CREB5: variants seen among roughly 807,000 people sequenced by gnomAD.
CREB5 encodes cAMP responsive element binding protein 5.
CREB5 carries 19 observed loss-of-function variants against 57.1 expected under a neutral mutation model. The ratio of observed to expected loss-of-function variants is 0.33; its 90% CI spans 0.23 to 0.49. The LOEUF (loss-of-function observed/expected upper bound fraction) is 0.49. CREB5 is among the 20% of genes least tolerant of loss of function. The pLI is 0.99. For missense variants in CREB5, 579 were observed against 671.6 expected (o/e 0.86, Z 1.52); for synonymous variants, 238 against 238.3 (o/e 1.00, Z 0.01).
intron 7 of CREB5, among the ~76,000 whole-genome samples, chr7:28,800,721 T>C (rs1172961255): frequency 6.6e-6 from 1 of 152,204 alleles, no homozygotes; most frequent in Non-Finnish European, 1.5e-5. Context: ...AAAGAGTGCA[T>C]CCAGGTCCCT....
At chr7:28,356,782 A>T (rs1172364019) in intron 1 of CREB5, among the ~76,000 whole-genome samples, 1 of 152,218 alleles carries the variant, frequency 6.6e-6, no homozygotes, top group Non-Finnish European at 1.5e-5. Context: ...GACAAAGGGC[A>T]CACACACACT....
chr7:28,314,126 G>A (rs1449304461), intron 1 of CREB5, among the ~76,000 whole-genome samples: 1 of 152,174 alleles, frequency 6.6e-6, no homozygotes, highest in Non-Finnish European at 1.5e-5. Context: ...GAAAAAGCAG[G>A]TATTCACTGC....
At chr7:28,319,725 T>G (rs1293035696) in intron 1 of CREB5, among the ~76,000 whole-genome samples, 3 of 152,094 alleles carry the variant, frequency 2.0e-5, no homozygotes, top group African/African-American at 7.2e-5. Flanking sequence ...CCCCGAAGTC[T>G]GTGTCTTTAT....
At chr7:28,583,392 G>A (rs1479734575) in intron 5 of CREB5, among the ~76,000 whole-genome samples, 2 of 152,198 alleles carry the variant, frequency 1.3e-5, no homozygotes, top group Admixed American at 1.3e-4. Flanking sequence ...ATAGGTGATT[G>A]AGGGGAGAAT....
chr7:28,417,609 A>G (rs42721), intron 1 of CREB5, among the ~76,000 whole-genome samples: 142,865 of 152,244 alleles, frequency 0.94, 67,104 homozygotes, highest in East Asian at 0.99. Flanking sequence ...TGAAGGCCTG[A>G]GCCTCTGTAT....
intron 1 of CREB5, among the ~76,000 whole-genome samples, chr7:28,317,550 G>T (rs1410668782): frequency 6.6e-6 from 1 of 152,192 alleles, no homozygotes. Flanking sequence ...AAAAGCAATG[G>T]ATTTGCATTT....
chr7:28,583,438 G>A (rs560404167), intron 5 of CREB5, among the ~76,000 whole-genome samples: 2 of 152,130 alleles, frequency 1.3e-5, no homozygotes, highest in Non-Finnish European at 2.9e-5. Flanking sequence ...TGGATGCGAG[G>A]GAAGAAAATC....
chr7:28,546,033 A>G (rs1794407435), intron 4 of CREB5, among the ~76,000 whole-genome samples: 1 of 152,172 alleles, frequency 6.6e-6, no homozygotes, highest in African/African-American at 2.4e-5. Flanking sequence ...TAGTGCCCAT[A>G]GGCATCACTC....
At chr7:28,792,698 C>G (rs2128792387) in intron 7 of CREB5, among the ~76,000 whole-genome samples, 1 of 152,308 alleles carries the variant, frequency 6.6e-6, no homozygotes, top group East Asian at 1.9e-4. Flanking sequence ...TCCTTGAGCA[C>G]AGCTTTCTTC....
At chr7:28,301,016 C>T (rs1414038394) in intron 1 of CREB5, among the ~76,000 whole-genome samples, 1 of 152,186 alleles carries the variant, frequency 6.6e-6, no homozygotes, top group Non-Finnish European at 1.5e-5. Flanking sequence ...TTAAGAACCA[C>T]TGCTCTAGAG....
At chr7:28,730,375 A>G (rs1803551813) in intron 7 of CREB5, among the ~76,000 whole-genome samples, 1 of 151,274 alleles carries the variant, frequency 6.6e-6, no homozygotes, top group Admixed American at 6.6e-5. Context: ...TTTGAGACAG[A>G]GTCTCCCTAT....
intron 7 of CREB5, among the ~76,000 whole-genome samples, chr7:28,746,378 T>A: frequency 6.6e-6 from 1 of 152,210 alleles, no homozygotes; most frequent in East Asian, 1.9e-4. Context: ...TACTTCCAGC[T>A]AAATTTTAAT....
intron 1 of CREB5, among the ~76,000 whole-genome samples, chr7:28,456,903 G>T (rs896623000): frequency 6.6e-6 from 1 of 152,208 alleles, no homozygotes; most frequent in Non-Finnish European, 1.5e-5. Context: ...ATTTTCTGCT[G>T]TTAGAATATT....
At chr7:28,638,264 G>GACACACAC (rs56956362) in intron 5 of CREB5, among the ~76,000 whole-genome samples, 22,420 of 145,586 alleles carry the variant, frequency 0.15, 1,896 homozygotes, top group East Asian at 0.33. Flanking sequence ...AAAGAAACTA[G>GACACACAC]ACACACACAC....
At chr7:28,588,045 G>C (rs1173674604) in intron 5 of CREB5, among the ~76,000 whole-genome samples, 1 of 152,190 alleles carries the variant, frequency 6.6e-6, no homozygotes, top group Non-Finnish European at 1.5e-5. Context: ...GCAATATCAT[G>C]TTCTTGACAC....
chr7:28,742,984 A>G (rs898816238), intron 7 of CREB5, among the ~76,000 whole-genome samples: 12 of 152,130 alleles, frequency 7.9e-5, no homozygotes, highest in African/African-American at 2.4e-4. Context: ...GGGTTTCACC[A>G]TGTTAGTCAG....
chr7:28,481,132 C>T (rs927561046), intron 1 of CREB5, among the ~76,000 whole-genome samples: 3 of 152,220 alleles, frequency 2.0e-5, no homozygotes, highest in African/African-American at 7.2e-5. Flanking sequence ...GTTACGGCCC[C>T]CTCTGGGAAG....
chr7:28,461,724 A>G (rs1790357754), intron 1 of CREB5, among the ~76,000 whole-genome samples: 1 of 152,194 alleles, frequency 6.6e-6, no homozygotes, highest in Non-Finnish European at 1.5e-5. Context: ...GAGTATGTAG[A>G]CTTTTTCATT....
chr7:28,523,334 A>G (rs973099028), intron 4 of CREB5, among the ~76,000 whole-genome samples: 8 of 152,220 alleles, frequency 5.3e-5, no homozygotes, highest in Non-Finnish European at 1.2e-4. Flanking sequence ...CCCAGCTTCT[A>G]CCACTGGGAA....
Sources: allele counts gnomAD v4.1 joint callset (sites outside exome capture counted in the v4.1 genomes callset), GRCh38; gene constraint gnomAD v4.1.1; transcripts MANE v1.5; gene names NCBI Gene and HGNC (gene_info 2026-07-23, HGNC 2026-07-21).